Variants in ABCC5 observed in about 807,000 individuals in gnomAD.
ABCC5 encodes ATP-binding cassette sub-family C member 5.
Under a neutral mutation model 160.9 loss-of-function variants are expected in ABCC5, and 61 were observed. The ratio of observed to expected loss-of-function variants is 0.38; its 90% CI spans 0.31 to 0.47. The LOEUF (loss-of-function observed/expected upper bound fraction) is 0.47, where lower values mean the gene tolerates loss of function less well. Ranked by LOEUF, ABCC5 falls within the 20% of genes least tolerant of loss-of-function variation. ABCC5 has a pLI of 0.99. For synonymous variants in ABCC5, 666 were observed against 700.6 expected, an observed-to-expected ratio of 0.95 and a Z score of 0.78; for missense variants, 1,308 against 1,813.3, an observed-to-expected ratio of 0.72 and a Z score of 5.06.
In ABCC5 at chr3:183,952,084, G is replaced by A. The variant is rs765403760; in HGVS notation, c.2668-81C>T. 2.7e-6 allele frequency: 4 copies of A among 1,491,924 alleles called. No individual in the cohort carries two copies. In the Admixed American group the frequency reaches 5.2e-5, roughly 19 times the overall value. 92.4% of individuals were successfully genotyped at this position (1,491,924 alleles called of 1,614,324 possible). ...TGCTCAGCGCCATTCTCAGCTCAAGGGCAGGGCAGGGTACAGGATAATGAC... is the reference window on the plus strand; with the variant it reads ...TGCTCAGCGCCATTCTCAGCTCAAGAGCAGGGCAGGGTACAGGATAATGAC... On this transcript the variant is annotated intron_variant, in intron 18 of 29. Transcript: ENST00000334444.
intron 2 of ABCC5, among the ~76,000 whole-genome samples, chr3:184,005,735 C>G (rs576940920): frequency 6.6e-6 from 1 of 152,008 alleles, no homozygotes; most frequent in East Asian, 1.9e-4. Flanking sequence ...ACATATGTAA[C>G]AAACCTGCAC....
At chr3:183,999,674 G>C (rs979283848) in intron 2 of ABCC5, among the ~76,000 whole-genome samples, 1 of 152,134 alleles carries the variant, frequency 6.6e-6, no homozygotes, top group African/African-American at 2.4e-5. Flanking sequence ...AGCTACCTGA[G>C]AGGCTAAGGC....
In ABCC5 at chr3:183,963,911, TG is replaced by T. The variant is rs1400903963; in HGVS notation, c.2032-324del. ...GGAAGATCTTTCCAGAACACAAAGC[TG>T]ACCATCTCCCACCCTTGCTTAAAAT... On this transcript the variant is annotated intron_variant, in intron 14 of 29. Transcript: ENST00000334444. This position sits in a 1 kb window ranked among gnomAD's most constrained non-coding sequence, Gnocchi z 4.6. Among the ~76,000 whole-genome samples the T allele has an allele frequency of 6.6e-6, 1 of 152,188 alleles. No homozygotes were observed. The highest frequency in any genetic ancestry group is 6.6e-5 in the Admixed American group (1 of 15,256).
intron 16 of ABCC5, 117 bp downstream of exon 16, chr3:183,961,394 G>T: frequency 7.7e-7 from 1 of 1,298,584 alleles, no homozygotes. Context: ...AGAAAACAGG[G>T]CCCCTGCCAA....
At chr3:183,968,581 C>G (rs1322142447) in intron 11 of ABCC5, among the ~76,000 whole-genome samples, 1 of 152,150 alleles carries the variant, frequency 6.6e-6, no homozygotes, top group Non-Finnish European at 1.5e-5. Context: ...AATATTTATA[C>G]CATCAATCCC....
chr3:183,985,357 G>C (rs754568892), intron 5 of ABCC5: 1 of 1,614,046 alleles, frequency 6.2e-7, no homozygotes, highest in Non-Finnish European at 8.5e-7. Context: ...TCTGACCGCA[G>C]AATACAGCCA....
chr3:183,947,207 G>A (rs1013216578), intron 23 of ABCC5, 117 bp downstream of exon 23: 3 of 1,118,246 alleles, frequency 2.7e-6, no homozygotes, highest in Non-Finnish European at 3.7e-6. Context: ...AGCAATTCTA[G>A]GGGTCCAGAG....
chr3:183,984,551 A>G, intron 5 of ABCC5: 1 of 1,227,106 alleles, frequency 8.1e-7, no homozygotes, highest in Non-Finnish European at 1.0e-6. Context: ...CCAGATGTCC[A>G]CTAGGTCCTA....
intron 29 of ABCC5, among the ~76,000 whole-genome samples, chr3:183,924,515 G>A (rs8180093): frequency 0.059 from 8,987 of 152,230 alleles, 375 homozygotes; most frequent in East Asian, 0.17. Context: ...CACTGTGGGA[G>A]CTTCTACAAT....
At chr3:184,008,372 G>A (rs1721412322) in intron 2 of ABCC5, among the ~76,000 whole-genome samples, 1 of 152,168 alleles carries the variant, frequency 6.6e-6, no homozygotes, top group South Asian at 2.1e-4. Context: ...CATGCCTCAG[G>A]CAAAGGAACA....
chr3:184,006,827 G>A (rs1221615644), intron 2 of ABCC5, among the ~76,000 whole-genome samples: 1 of 151,980 alleles, frequency 6.6e-6, no homozygotes, highest in East Asian at 1.9e-4. Flanking sequence ...GCCTACCACA[G>A]AACTAAGGAA....
intron 25 of ABCC5, among the ~76,000 whole-genome samples, chr3:183,939,919 T>C (rs568061195): frequency 6.6e-6 from 1 of 152,270 alleles, no homozygotes; most frequent in Admixed American, 6.5e-5. Context: ...ATCACCACGA[T>C]GCTGTCTCTT....
rs374138800 is a variant in ABCC5, at chr3:183,937,873, C to T, written c.3854+28G>A. The T allele has an allele frequency of 2.0e-5, 33 of 1,611,240 alleles. 1 individual carries two copies. Among genetic ancestry groups the T allele is most frequent in the African/African-American group, 1.9e-4 (14 of 74,876 alleles). ...GCTCATCTGGCCTCTAAGTGACGCA[C>T]GAGACATGCAGGTGCTCAGGTCCTC... is the stretch of plus-strand genomic sequence containing the variant. On this transcript the variant is annotated intron_variant, in intron 26 of 29. Coordinates refer to ENST00000334444, the MANE Select transcript of ABCC5 (RefSeq NM_005688.4).
intron 18 of ABCC5, 78 bp downstream of exon 18, chr3:183,953,008 C>G (rs994983048): frequency 7.0e-7 from 1 of 1,430,292 alleles, no homozygotes; most frequent in Non-Finnish European, 9.5e-7. Flanking sequence ...AGAACAGTTT[C>G]CCTAAGAATA....
rs1711832000 is a variant in ABCC5 at position 183,920,053 on chromosome 3, T to A, written c.*1247A>T. On this transcript the variant is annotated 3_prime_UTR_variant, in exon 30 of 30. Coordinates refer to ENST00000334444, the MANE Select transcript of ABCC5 (RefSeq NM_005688.4). The surrounding 1 kb of genome is among the most constrained non-coding windows in gnomAD (Gnocchi z 4.1). ...GGTCACGACATGCAACGCTGACCATTCAATTGATGACAGCAGTGACCACGC... is the reference window on the plus strand; with the variant it reads ...GGTCACGACATGCAACGCTGACCATACAATTGATGACAGCAGTGACCACGC... 2 of 152,666 alleles carry A rather than the reference T, an allele frequency of 1.3e-5. No individual in the cohort carries two copies. The highest frequency in any genetic ancestry group is 4.1e-4 in the South Asian group (2 of 4,834). The allele number at this position is 152,666 out of a possible 1,614,324, so 9.5% of individuals were successfully genotyped here.
intron 15 of ABCC5, among the ~76,000 whole-genome samples, chr3:183,962,971 G>A (rs1354754481): frequency 6.6e-6 from 1 of 152,184 alleles, no homozygotes; most frequent in Non-Finnish European, 1.5e-5. Context: ...GACAACATAT[G>A]TGAGCCAGAT....
rs144244780 is a variant in ABCC5, at chr3:183,951,106, G to C, written c.2944+335C>G. Among the ~76,000 whole-genome samples the C allele has an allele frequency of 1.5e-4, 23 of 152,316 alleles. No individual in the cohort carries two copies. The East Asian group carries it at 4.0e-3, about 27-fold the overall frequency. ...TGTTACTCTGAACTGTGGGGGTACA[G>C]TATTTCAGTTCTGGTGCAGGCACAG... On this transcript the variant is annotated intron_variant, in intron 20 of 29. Transcript: ENST00000334444. The surrounding 1 kb of genome is among the most constrained non-coding windows in gnomAD (Gnocchi z 4.7).
rs547223758 is a variant in ABCC5, at chr3:183,982,312, A to G, written c.999+139T>C. On this transcript the variant is annotated intron_variant, in intron 7 of 29. Transcript: ENST00000334444. This position sits in a 1 kb window ranked among gnomAD's most constrained non-coding sequence, Gnocchi z 5.2. Reference sequence around the variant, plus strand: ...ATTCTGTCCCTATAGAGCAAGCACTATCGAGCTCTAGATTGAACCTGCTTT... The same window carrying G: ...ATTCTGTCCCTATAGAGCAAGCACTGTCGAGCTCTAGATTGAACCTGCTTT... 18 of 946,574 alleles carry G rather than the reference A, an allele frequency of 1.9e-5. No homozygotes were observed. The East Asian group carries it at 2.1e-4, about 11-fold the overall frequency. 58.6% of individuals were successfully genotyped at this position (946,574 alleles called of 1,614,324 possible). A position where few individuals can be genotyped will look rare whatever the true frequency, so the allele number is the denominator to read the frequency against.
At chr3:183,991,450 CA>C (rs766095613) in intron 2 of ABCC5, among the ~76,000 whole-genome samples, 16 of 152,254 alleles carry the variant, frequency 1.1e-4, no homozygotes, top group Non-Finnish European at 2.4e-4. Flanking sequence ...CCTTTCCCAC[CA>C]AAGAACAGCG....
Sources: gnomAD v4.1 joint callset for allele counts (sites outside exome capture counted in the v4.1 genomes callset) on GRCh38, gnomAD v4.1.1 for gene constraint, Gnocchi (gnomAD v3.1) non-coding constraint, MANE v1.5 for transcripts, NCBI Gene and HGNC (gene_info 2026-07-23, HGNC 2026-07-21) for gene names.